TIPIN: variants seen among roughly 807,000 people sequenced by gnomAD.
The protein encoded by TIPIN is TIMELESS-interacting protein.
In TIPIN, 29 loss-of-function variants were observed where a neutral mutation model predicts 35.6. That is an observed-to-expected ratio of 0.82 (90% CI 0.61 to 1.11). The LOEUF is 1.11. Among genes scored for constraint, TIPIN ranks in the 50% most tolerant of loss-of-function variants. The pLI is 0.00. For missense variants in TIPIN, 296 were observed against 345.4 expected (o/e 0.86, Z 1.13); for synonymous variants, 102 against 121.5 (o/e 0.84, Z 1.06).
rs1317071838 is a variant in TIPIN, at chr15:66,336,549, G to C, written c.*409C>G. ...AGCCTGGCCAACAGAGTGAGACTCT[G>C]TGTCAAAAAAAACAAAACAAAACAA... On this transcript the variant is annotated 3_prime_UTR_variant, in exon 8 of 8. Transcript: ENST00000261881. The C allele has an allele frequency of 1.1e-5, 2 of 180,670 alleles. No individual in the cohort carries two copies. Among genetic ancestry groups the C allele is most frequent in the East Asian group, 2.8e-4 (2 of 7,256 alleles). The allele number at this position is 180,670 out of a possible 1,614,324, so 11.2% of individuals were successfully genotyped here.
At chr15:66,343,977 A>C (rs1158670490) in intron 6 of TIPIN, among the ~76,000 whole-genome samples, 1 of 152,214 alleles carries the variant, frequency 6.6e-6, no homozygotes, top group Non-Finnish European at 1.5e-5. Context: ...CAGCCTGGGC[A>C]ACAAGAGTGA....
At chr15:66,349,648 G>A (rs1167964811) in intron 4 of TIPIN, among the ~76,000 whole-genome samples, 1 of 152,098 alleles carries the variant, frequency 6.6e-6, no homozygotes, top group East Asian at 1.9e-4. Flanking sequence ...GGAGGCCTAG[G>A]GGGACGGATC....
rs958727665 is a variant in TIPIN, at chr15:66,375,467, G to A, written c.-9+11140C>T. Among the ~76,000 whole-genome samples, 11 of 146,452 alleles carry A rather than the reference G, an allele frequency of 7.5e-5. No individual in the cohort carries two copies. The East Asian group carries it at 1.9e-3, about 25-fold the overall frequency. On this transcript the variant is annotated intron_variant, in intron 1 of 7. Transcript: ENST00000562124. ...TGAGATTACAGGCATGAGCCACGAC[G>A]CCCAGCCTAATGTTGTTTTTAATTG... is the stretch of plus-strand genomic sequence containing the variant.
At position 66,341,270 on chromosome 15, in the gene TIPIN, C is replaced by A; in HGVS notation, c.562G>T (p.Ala188Ser). 6.2e-7 allele frequency: 1 copy of A among 1,613,902 alleles called. No homozygotes were observed. The highest frequency in any genetic ancestry group is 2.2e-5 in the East Asian group (1 of 44,856). The change falls in exon 7 of 8, where the codon GCT becomes TCT. Residue 188 changes from alanine to serine, a missense_variant. Transcript: ENST00000261881. ...GTTAGGCTTCTACTTAACTCAGAAGCAAACATCTCACTTTCAGATAAGTTT... is the reference window on the plus strand; with the variant it reads ...GTTAGGCTTCTACTTAACTCAGAAGAAAACATCTCACTTTCAGATAAGTTT... ...LTNLSESEMF[A>S]SELSRSLTEE...
chr15:66,373,135 T>C (rs113498576), intron 1 of TIPIN, among the ~76,000 whole-genome samples: 2,816 of 152,260 alleles, frequency 0.018, 40 homozygotes, highest in South Asian at 0.055. Context: ...TGAAATCGCC[T>C]AATGACACAT....
At chr15:66,339,131 C>CAAAAAAAAAAAAA (rs35065958) in intron 7 of TIPIN, among the ~76,000 whole-genome samples, 11 of 20,572 alleles carry the variant, frequency 5.3e-4, no homozygotes, top group South Asian at 3.0e-3. Context: ...GACTCCATCT[C>CAAAAAAAAAAAAA]AAAAAAAAAA....
intron 1 of TIPIN, chr15:66,379,996 TTCTTTC>T: frequency 8.6e-6 from 4 of 465,186 alleles, no homozygotes; most frequent in African/African-American, 2.3e-5. Flanking sequence ...TTTTCTTTCT[TTCTTTC>T]TTTTTTTTTT....
At chr15:66,359,916 C>A (rs1187498056), upstream of TIPIN, among the ~76,000 whole-genome samples, 1 of 152,068 alleles carries the variant, frequency 6.6e-6, no homozygotes, top group East Asian at 1.9e-4. Flanking sequence ...ACTTTTAACT[C>A]TGATTCAGTT....
chr15:66,343,079 T>C (rs1164291722), intron 6 of TIPIN, among the ~76,000 whole-genome samples: 1 of 152,250 alleles, frequency 6.6e-6, no homozygotes, highest in African/African-American at 2.4e-5. Flanking sequence ...GACTTTACAA[T>C]GTCAGATATA....
chr15:66,349,273 AT>A, intron 5 of TIPIN, 41 bp downstream of exon 5: 1 of 1,609,344 alleles, frequency 6.2e-7, no homozygotes, highest in Non-Finnish European at 8.5e-7. Flanking sequence ...CTACCCTACC[AT>A]TTAGCATGTG....
chr15:66,380,002 CTT>C (rs55835135), intron 1 of TIPIN: 1,182 of 288,956 alleles, frequency 4.1e-3, no homozygotes, highest in Middle Eastern at 0.015. Context: ...TTCTTTCTTT[CTT>C]TTTTTTTTTT....
At chr15:66,377,209 G>A (rs2093300273) in intron 1 of TIPIN, among the ~76,000 whole-genome samples, 2 of 151,742 alleles carry the variant, frequency 1.3e-5, no homozygotes, top group Non-Finnish European at 1.5e-5. Context: ...ATAAGTGAAA[G>A]GTGATCTCTC....
At chr15:66,374,340 C>CTTTTTTTTTTTTTTTTTTTTTTTTT (rs1566986031) in intron 1 of TIPIN, among the ~76,000 whole-genome samples, 19 of 149,446 alleles carry the variant, frequency 1.3e-4, no homozygotes, top group African/African-American at 4.9e-4. Flanking sequence ...AGCATCTTTT[C>CTTTTTTTTTTTTTTTTTTTTTTTTT]ATATATTTAT....
chr15:66,353,783 CTTACT>C (rs901981272), intron 1 of TIPIN, among the ~76,000 whole-genome samples: 1 of 151,980 alleles, frequency 6.6e-6, no homozygotes, highest in African/African-American at 2.4e-5. Flanking sequence ...TCAGTACTGC[CTTACT>C]TAACTTCTCA....
intron 1 of TIPIN, among the ~76,000 whole-genome samples, chr15:66,353,601 C>A (rs11857363): frequency 0.11 from 15,688 of 147,490 alleles, 1,054 homozygotes; most frequent in Non-Finnish European, 0.15. Context: ...GGGCGACAGA[C>A]CAACACTCTG....
intron 1 of TIPIN, among the ~76,000 whole-genome samples, chr15:66,354,356 C>A (rs940625674): frequency 6.6e-6 from 1 of 152,178 alleles, no homozygotes; most frequent in Non-Finnish European, 1.5e-5. Flanking sequence ...TACAAGTCAT[C>A]TTTAGCAATT....
chr15:66,360,017 C>A (rs1172420890), upstream of TIPIN, among the ~76,000 whole-genome samples: 1 of 152,076 alleles, frequency 6.6e-6, no homozygotes, highest in Middle Eastern at 3.2e-3. Flanking sequence ...AGGTGATCTT[C>A]CTAACTAGGC....
chr15:66,382,208 T>C (rs2093321198), intron 1 of TIPIN: 1 of 273,560 alleles, frequency 3.7e-6, no homozygotes, highest in Non-Finnish European at 5.6e-6. Flanking sequence ...TAGTAGACAG[T>C]ATAATTCTCA....
chr15:66,378,961 T>C (rs1411760559), intron 1 of TIPIN, among the ~76,000 whole-genome samples: 1 of 152,226 alleles, frequency 6.6e-6, no homozygotes, highest in Non-Finnish European at 1.5e-5. Flanking sequence ...GGTCTCACTA[T>C]GTTGACTAGG....
Sources: gnomAD v4.1 joint callset for allele counts (sites outside exome capture counted in the v4.1 genomes callset) on GRCh38, gnomAD v4.1.1 for gene constraint, MANE v1.5 for transcripts, NCBI Gene and HGNC (gene_info 2026-07-23, HGNC 2026-07-21) for gene names.